Variants in LRRC63 observed in about 807,000 individuals in gnomAD.
LRRC63 encodes the protein leucine rich repeat containing 63, also known as leucine-rich repeat-containing protein 63.
Under a neutral mutation model 49.5 loss-of-function variants are expected in LRRC63, and 40 were observed. The observed-to-expected ratio is 0.81, with a 90% CI of 0.63 to 1.05. LRRC63 has a LOEUF of 1.05. Ranked by LOEUF, LRRC63 falls within the 50% of genes least tolerant of loss-of-function variation. The probability of loss-of-function intolerance (pLI) is 0.00; values close to 1 mark genes in which losing one functional copy is unlikely to be tolerated. For synonymous variants in LRRC63, 191 were observed against 221.1 expected, an observed-to-expected ratio of 0.86 and a Z score of 1.21; for missense variants, 636 against 663.1, an observed-to-expected ratio of 0.96 and a Z score of 0.45.
intron 7 of LRRC63, among the ~76,000 whole-genome samples, chr13:46,255,275 G>A (rs1182475369): frequency 1.3e-5 from 2 of 152,084 alleles, no homozygotes; most frequent in East Asian, 1.9e-4. Flanking sequence ...TAGCAGAGAG[G>A]GGAGAATTGG....
intron 3 of LRRC63, 59 bp from the exon 4 acceptor site, chr13:46,228,606 C>T: frequency 1.0e-6 from 1 of 991,450 alleles, no homozygotes; most frequent in Non-Finnish European, 1.5e-6. Flanking sequence ...AGTCATAAAA[C>T]CCTCAAGTGA....
At chr13:46,256,869 A>G (rs1337268979) in intron 7 of LRRC63, among the ~76,000 whole-genome samples, 1 of 152,208 alleles carries the variant, frequency 6.6e-6, no homozygotes, top group Non-Finnish European at 1.5e-5. Flanking sequence ...TTAGGGATGA[A>G]CTGTGATAGG....
intron 9 of LRRC63, among the ~76,000 whole-genome samples, chr13:46,274,002 G>C (rs568649394): frequency 1.3e-5 from 2 of 152,116 alleles, no homozygotes; most frequent in South Asian, 2.1e-4. Flanking sequence ...GAATGCATTG[G>C]AAGTTTTTTT....
intron 7 of LRRC63, among the ~76,000 whole-genome samples, chr13:46,258,610 C>G (rs190801352): frequency 1.6e-3 from 238 of 150,334 alleles, no homozygotes; most frequent in African/African-American, 4.5e-3. Flanking sequence ...GAGATCGAGA[C>G]CATCCTGGCC....
chr13:46,234,225 T>C (rs2046842295), exon 5 of LRRC63: 1 of 1,550,194 alleles, frequency 6.5e-7, no homozygotes, highest in African/African-American at 1.4e-5. Context: ...GAATCAGAGA[T>C]ACACGTTGTA....
chr13:46,266,254 T>C (rs946712708), intron 8 of LRRC63, among the ~76,000 whole-genome samples: 6 of 152,228 alleles, frequency 3.9e-5, no homozygotes, highest in East Asian at 1.9e-4. Flanking sequence ...TTAGAAGTTA[T>C]TGACACAGAA....
rs559730918 is a variant in LRRC63, at chr13:46,230,396, A to G, written c.832+1663A>G. On this transcript the variant is annotated intron_variant, in intron 4 of 9. Transcript: ENST00000595396. ...GAGAATTGACTCACCATCACAAGGT[A>G]AAGTCCCATGATAGACCGTCTGCTA... 3.9e-5 allele frequency among the ~76,000 whole-genome samples: 6 copies of G among 152,336 alleles called. No individual in the cohort carries two copies. The East Asian group carries it at 5.8e-4, about 15-fold the overall frequency.
chr13:46,271,307 A>T (rs2047755262), intron 9 of LRRC63, among the ~76,000 whole-genome samples: 1 of 152,140 alleles, frequency 6.6e-6, no homozygotes, highest in Non-Finnish European at 1.5e-5. Context: ...TTTGAAGTTT[A>T]AAAAAACCTA....
At chr13:46,267,650 T>A (rs1271359871) in intron 9 of LRRC63, among the ~76,000 whole-genome samples, 1 of 152,218 alleles carries the variant, frequency 6.6e-6, no homozygotes, top group East Asian at 1.9e-4. Flanking sequence ...GCCTAGTAAC[T>A]ATTGGAGAAA....
At chr13:46,247,555 C>T (rs922787741) in intron 6 of LRRC63, among the ~76,000 whole-genome samples, 4 of 152,104 alleles carry the variant, frequency 2.6e-5, no homozygotes, top group African/African-American at 9.7e-5. Flanking sequence ...CAGAGATCAA[C>T]TTGTCATTAA....
chr13:46,244,208 G>T (rs1212199678), intron 5 of LRRC63, among the ~76,000 whole-genome samples: 1 of 152,086 alleles, frequency 6.6e-6, no homozygotes, highest in East Asian at 1.9e-4. Context: ...TTGACAACAG[G>T]AGTACAAAAG....
chr13:46,247,872 A>G (rs1326131132), intron 6 of LRRC63, among the ~76,000 whole-genome samples: 1 of 152,132 alleles, frequency 6.6e-6, no homozygotes, highest in East Asian at 1.9e-4. Context: ...ATATACATAT[A>G]CTTGGTCTTC....
exon 10 of LRRC63, chr13:46,277,076 A>G (rs1305638208): frequency 6.6e-6 from 1 of 151,920 alleles, no homozygotes; most frequent in African/African-American, 2.4e-5. Flanking sequence ...AAGGAGGATT[A>G]GTAAAGCCTT....
At chr13:46,222,527 G>A (rs1464343137) in intron 2 of LRRC63, among the ~76,000 whole-genome samples, 1 of 152,146 alleles carries the variant, frequency 6.6e-6, no homozygotes, top group Non-Finnish European at 1.5e-5. Context: ...GTATCCTCCA[G>A]TTAGAATGGC....
chr13:46,232,450 T>C (rs530674488), intron 4 of LRRC63, among the ~76,000 whole-genome samples: 1 of 151,848 alleles, frequency 6.6e-6, no homozygotes, highest in South Asian at 2.1e-4. Context: ...GATAATAGAG[T>C]TCAAGCTCTG....
At chr13:46,255,645 A>AAAAAAAAAAAAAAATATATATATAT (rs1555328641) in intron 7 of LRRC63, among the ~76,000 whole-genome samples, 5 of 129,468 alleles carry the variant, frequency 3.9e-5, no homozygotes, top group African/African-American at 1.2e-4. Context: ...CCCTGCCTCA[A>AAAAAAAAAAAAAAATATATATATAT]ATATATATAT....
At chr13:46,272,206 C>A (rs777787269) in intron 9 of LRRC63, among the ~76,000 whole-genome samples, 45 of 152,112 alleles carry the variant, frequency 3.0e-4, no homozygotes, top group Non-Finnish European at 2.2e-4. Flanking sequence ...CGGGATTTTT[C>A]ACTTATTATT....
At chr13:46,213,066 C>T (rs1362106884) in exon 2 of LRRC63, 10 of 1,549,562 alleles carry the variant, frequency 6.5e-6, no homozygotes, top group Admixed American at 2.0e-5. Context: ...CTTCGAAGAC[C>T]CTTACCTCCA....
chr13:46,265,572 G>T (rs1446155883), intron 8 of LRRC63, among the ~76,000 whole-genome samples: 1 of 152,056 alleles, frequency 6.6e-6, no homozygotes, highest in African/African-American at 2.4e-5. Flanking sequence ...CTTTTATAAG[G>T]GCACTAATCT....
Sources: gnomAD v4.1 joint callset for allele counts (sites outside exome capture counted in the v4.1 genomes callset) on GRCh38, gnomAD v4.1.1 for gene constraint, MANE v1.5 for transcripts, NCBI Gene and HGNC (gene_info 2026-07-23, HGNC 2026-07-21) for gene names.